SHCBP1L: variants seen among roughly 807,000 people sequenced by gnomAD.
SHCBP1L encodes SHC binding and spindle associated 1 like.
A neutral mutation model predicts 62.5 loss-of-function variants in SHCBP1L; 67 were observed. That is an observed-to-expected ratio of 1.07 (90% confidence interval 0.88 to 1.31). SHCBP1L has a LOEUF of 1.31. SHCBP1L is among the 40% of genes most tolerant of loss of function. SHCBP1L has a pLI of 0.00. For missense variants in SHCBP1L, 823 were observed against 809.8 expected, an observed-to-expected ratio of 1.02 and a Z score of -0.20; for synonymous variants, 284 against 289.4, an observed-to-expected ratio of 0.98 and a Z score of 0.19.
chr1:182,950,000 C>T (rs1571362608), intron 2 of SHCBP1L, among the ~76,000 whole-genome samples: 1 of 151,984 alleles, frequency 6.6e-6, no homozygotes, highest in African/African-American at 2.4e-5. Context: ...TCAGGCTGGT[C>T]TCTAACTCCT....
intron 6 of SHCBP1L, among the ~76,000 whole-genome samples, chr1:182,914,663 T>TAA (rs528372186): frequency 2.1e-5 from 3 of 146,078 alleles, no homozygotes; most frequent in African/African-American, 7.5e-5. Context: ...AATGGTACAC[T>TAA]AAAAAAAAAA....
chr1:182,931,824 T>G (rs1304019076), intron 5 of SHCBP1L, among the ~76,000 whole-genome samples: 1 of 152,150 alleles, frequency 6.6e-6, no homozygotes, highest in Non-Finnish European at 1.5e-5. Flanking sequence ...TTGTCCATTA[T>G]AGGAGTTTGG....
At chr1:182,912,796 T>G (rs1650230873) in intron 6 of SHCBP1L, among the ~76,000 whole-genome samples, 1 of 151,846 alleles carries the variant, frequency 6.6e-6, no homozygotes, top group African/African-American at 2.4e-5. Flanking sequence ...GTGCTGGGAT[T>G]ACAGGCATGA....
rs150776184 is a variant in SHCBP1L, at chr1:182,924,786, A to G, written c.1182+4861T>C. Reference sequence around the variant, plus strand: ...AAAGAAAGAAAGAAAGAAAGAAAGAAAGAGAGAAAGAAAGGAAGGAAGGAA... The same window carrying G: ...AAAGAAAGAAAGAAAGAAAGAAAGAGAGAGAGAAAGAAAGGAAGGAAGGAA... On this transcript the variant is annotated intron_variant, in intron 6 of 9. Transcript: ENST00000367547. Among the ~76,000 whole-genome samples the G allele has an allele frequency of 7.5e-3, 701 of 92,940 alleles. 17 individuals carry two copies. Among genetic ancestry groups the G allele is most frequent in the African/African-American group, 0.035 (357 of 10,256 alleles). 61.0% of individuals were successfully genotyped at this position (92,940 alleles called of 152,430 possible).
intron 3 of SHCBP1L, among the ~76,000 whole-genome samples, chr1:182,940,128 C>T (rs1199897163): frequency 6.6e-6 from 1 of 151,812 alleles, no homozygotes; most frequent in African/African-American, 2.4e-5. Flanking sequence ...TTTCATTACC[C>T]ATATATAATG....
Position 182,929,733 on chromosome 1 carries a change from GAAAGAAAGGTCCATGAACTCT to G in SHCBP1L, c.1077-2_1095del, listed in dbSNP as rs1156707568. On this transcript the variant is annotated splice_acceptor_variant and coding_sequence_variant, in exon 6 of 10. Transcript: ENST00000367547. LOFTEE classifies it high-confidence loss of function. ...CCTTTCCTACGCCTCAGAATTCTTGGAAAGAAAGGTCCATGAACTCTATAGTTGAAAATATTTAGTTATAAT... is the reference window on the plus strand; with the variant it reads ...CCTTTCCTACGCCTCAGAATTCTTGGATAGTTGAAAATATTTAGTTATAAT... 2 of 1,588,418 alleles carry G rather than the reference GAAAGAAAGGTCCATGAACTCT, an allele frequency of 1.3e-6. No individual in the cohort carries two copies. The highest frequency in any genetic ancestry group is 2.7e-5 in the African/African-American group (2 of 73,096).
Position 182,951,467 on chromosome 1 carries a change from C to A in SHCBP1L, c.406G>T (p.Ala136Ser), listed in dbSNP as rs1278480093. The A allele has an allele frequency of 2.6e-6, 4 of 1,552,176 alleles. No homozygotes were observed. The highest frequency in any genetic ancestry group is 2.6e-5 in the South Asian group (2 of 76,802). Residue 136 changes from alanine to serine, a missense_variant and splice_region_variant, in exon 2 of 10, where the codon GCA becomes TCA. Coordinates refer to ENST00000367547, the MANE Select transcript of SHCBP1L (RefSeq NM_030933.4). ...CCCATAACTTCATCAGCATCTTCTG[C>A]CTAACAAGAGAAAAAATGGATCTAC... ...YCDEVLQDCK[A>S]EDADEVMGKY... is the part of the protein sequence containing the mutation.
intron 6 of SHCBP1L, among the ~76,000 whole-genome samples, chr1:182,927,161 G>T (rs1233455510): frequency 7.0e-6 from 1 of 143,862 alleles, no homozygotes; most frequent in Non-Finnish European, 1.5e-5. Flanking sequence ...GGAAATTGAG[G>T]CTTAGAGGTT....
At chr1:182,911,282 C>T (rs184201274) in intron 6 of SHCBP1L, among the ~76,000 whole-genome samples, 19 of 152,166 alleles carry the variant, frequency 1.2e-4, no homozygotes, top group Admixed American at 5.9e-4. Context: ...TCAAGTGCCA[C>T]AAAGAAAAGG....
chr1:182,938,528 G>A (rs959941779), intron 5 of SHCBP1L, among the ~76,000 whole-genome samples: 1 of 151,820 alleles, frequency 6.6e-6, no homozygotes, highest in South Asian at 2.1e-4. Context: ...TAGCATGATC[G>A]ATGCTTACTG....
At chr1:182,951,146 A>G (rs1651728937) in intron 2 of SHCBP1L, among the ~76,000 whole-genome samples, 172 bp downstream of exon 2, 1 of 152,222 alleles carries the variant, frequency 6.6e-6, no homozygotes, top group South Asian at 2.1e-4. Context: ...AATGGTTTAC[A>G]GGCACTAATA....
intron 6 of SHCBP1L, among the ~76,000 whole-genome samples, chr1:182,911,632 C>A (rs1367429630): frequency 6.6e-6 from 1 of 152,082 alleles, no homozygotes; most frequent in Non-Finnish European, 1.5e-5. Context: ...ACCAGGAGAA[C>A]AATGTCTGAA....
intron 2 of SHCBP1L, among the ~76,000 whole-genome samples, chr1:182,941,674 A>G (rs1205597241): frequency 6.6e-6 from 1 of 152,218 alleles, no homozygotes; most frequent in African/African-American, 2.4e-5. Flanking sequence ...CCATGATCAA[A>G]GAGTGGTTTT....
chr1:182,924,790 G>GAAAGAAAGAAAGAA (rs1228003168), intron 6 of SHCBP1L, among the ~76,000 whole-genome samples: 2 of 73,354 alleles, frequency 2.7e-5, no homozygotes, highest in Admixed American at 1.4e-4. Flanking sequence ...GAAAGAAAGA[G>GAAAGAAAGAAAGAA]AGAAAGAAAG....
intron 6 of SHCBP1L, among the ~76,000 whole-genome samples, chr1:182,924,141 C>T (rs1650601660): frequency 6.6e-6 from 1 of 152,044 alleles, no homozygotes; most frequent in Admixed American, 6.6e-5. Context: ...TCACAATGGC[C>T]ACACACACAA....
chr1:182,925,318 A>T (rs983346842), intron 6 of SHCBP1L, among the ~76,000 whole-genome samples: 2 of 152,140 alleles, frequency 1.3e-5, no homozygotes, highest in South Asian at 4.1e-4. Flanking sequence ...TATATAAATA[A>T]CTCTTATAGT....
At chr1:182,908,654 A>G (rs1314685361) in intron 6 of SHCBP1L, among the ~76,000 whole-genome samples, 1 of 152,162 alleles carries the variant, frequency 6.6e-6, no homozygotes, top group Non-Finnish European at 1.5e-5. Flanking sequence ...TCTTATTTGG[A>G]TGGTTTATGA....
At chr1:182,921,292 GTAAGAAAATGC>G (rs1650521417) in intron 6 of SHCBP1L, among the ~76,000 whole-genome samples, 2 of 152,094 alleles carry the variant, frequency 1.3e-5, no homozygotes, top group African/African-American at 4.8e-5. Context: ...ATAAGTGAAG[GTAAGAAAATGC>G]TAAGAAAATT....
rs145239312 is a variant in SHCBP1L, at chr1:182,901,521, G to C, written c.1711-1287C>G. On this transcript the variant is annotated intron_variant, in intron 9 of 9. Coordinates refer to ENST00000367547, the MANE Select transcript of SHCBP1L (RefSeq NM_030933.4). ...GCCAGAACAAGGTTAATAATTTCTG[G>C]GAACACAAACAAAGCCAGTGTGGCT... 4.3e-3 allele frequency among the ~76,000 whole-genome samples: 652 copies of C among 152,252 alleles called. 2 individuals carry two copies. Among genetic ancestry groups the C allele is most frequent in the Middle Eastern group, 6.8e-3 (2 of 294 alleles).
Sources: allele counts gnomAD v4.1 joint callset (sites outside exome capture counted in the v4.1 genomes callset), GRCh38; gene constraint gnomAD v4.1.1; transcripts MANE v1.5; gene names NCBI Gene and HGNC (gene_info 2026-07-23, HGNC 2026-07-21).